UBE2F: variants seen among roughly 807,000 people sequenced by gnomAD.
The protein encoded by UBE2F is ubiquitin conjugating enzyme E2 F (putative), also known as NEDD8-conjugating enzyme UBE2F.
A neutral mutation model predicts 29.6 loss-of-function variants in UBE2F; 5 were observed. The observed-to-expected ratio is 0.17, with a 90% CI of 0.09 to 0.36. The LOEUF is 0.36. Among genes scored for constraint, UBE2F ranks in the 10% least tolerant of loss-of-function variants. The probability of loss-of-function intolerance (pLI) is 1.00; values close to 1 mark genes in which losing one functional copy is unlikely to be tolerated. For missense variants in UBE2F, 141 were observed against 228.5 expected (o/e 0.62, Z 2.47); for synonymous variants, 66 against 81.8 (o/e 0.81, Z 1.04).
At chr2:237,995,145 G>A (rs112892340) in intron 4 of UBE2F, among the ~76,000 whole-genome samples, 2 of 152,164 alleles carry the variant, frequency 1.3e-5, no homozygotes, top group Non-Finnish European at 2.9e-5. Flanking sequence ...TGTGACCTTG[G>A]TTAAGTTGCT....
chr2:238,019,084 C>G (rs1049844378), intron 5 of UBE2F, among the ~76,000 whole-genome samples: 2 of 152,156 alleles, frequency 1.3e-5, no homozygotes, highest in Non-Finnish European at 2.9e-5. Context: ...CCCCCTCTCC[C>G]CTCCCCACTA....
chr2:238,002,102 T>G (rs565264176), intron 4 of UBE2F, among the ~76,000 whole-genome samples: 2 of 150,440 alleles, frequency 1.3e-5, no homozygotes, highest in African/African-American at 4.9e-5. Context: ...TTTGCTCTGT[T>G]GCCCAGGCTG....
chr2:238,014,080 C>G (rs1448316624), intron 4 of UBE2F, among the ~76,000 whole-genome samples: 1 of 152,174 alleles, frequency 6.6e-6, no homozygotes, highest in African/African-American at 2.4e-5. Flanking sequence ...GCCAGGTACT[C>G]CCAGAGCCAG....
Position 237,967,101 on chromosome 2 carries a change from CG to C in UBE2F, c.-45del. On this transcript the variant is annotated 5_prime_UTR_variant, in exon 1 of 10. It removes the in-frame stop codon of an upstream open reading frame in the 5' UTR. Transcript: ENST00000272930. The surrounding 1 kb of genome is among the most constrained non-coding windows in gnomAD (Gnocchi z 6.3). ...CCGGACCGGGCATGGTGTTGGGCGC[CG>C]GGCCCGCCTCGCCTGTCTCGGGGAG... is the stretch of plus-strand genomic sequence containing the variant. 1 of 1,343,310 alleles carries C rather than the reference CG, an allele frequency of 7.4e-7. No individual in the cohort carries two copies. The highest frequency in any genetic ancestry group is 9.6e-7 in the Non-Finnish European group (1 of 1,043,194). The allele number at this position is 1,343,310 out of a possible 1,614,324, so 83.2% of individuals were successfully genotyped here.
intron 3 of UBE2F, among the ~76,000 whole-genome samples, chr2:237,994,107 T>A (rs2063642542): frequency 9.3e-6 from 1 of 107,274 alleles, no homozygotes; most frequent in South Asian, 3.1e-4. Flanking sequence ...CTTCTTCTTC[T>A]TCTTTTTTTT....
intron 5 of UBE2F, among the ~76,000 whole-genome samples, chr2:238,018,811 T>C (rs920862299): frequency 6.6e-6 from 1 of 152,214 alleles, no homozygotes; most frequent in Non-Finnish European, 1.5e-5. Flanking sequence ...TCACTTAATG[T>C]CCAGGGCTGC....
At chr2:238,031,532 A>T (rs1046913131) in intron 7 of UBE2F, among the ~76,000 whole-genome samples, 1 of 152,186 alleles carries the variant, frequency 6.6e-6, no homozygotes, top group East Asian at 1.9e-4. Context: ...GAAAACAGAG[A>T]AAGGCAAATA....
At chr2:237,970,511 G>A (rs2063153243) in intron 1 of UBE2F, among the ~76,000 whole-genome samples, 1 of 152,180 alleles carries the variant, frequency 6.6e-6, no homozygotes, top group Middle Eastern at 3.2e-3. Context: ...ATGTTAAAAT[G>A]GAATGGGAGT....
At chr2:237,968,798 C>A (rs536933923) in intron 1 of UBE2F, 11 of 977,680 alleles carry the variant, frequency 1.1e-5, no homozygotes, top group Non-Finnish European at 1.3e-5. Flanking sequence ...GATCTGTTAC[C>A]GAAATGCTGC....
intron 7 of UBE2F, 56 bp downstream of exon 7, chr2:238,030,669 A>G (rs2064552972): frequency 1.5e-6 from 2 of 1,363,862 alleles, no homozygotes; most frequent in Non-Finnish European, 1.0e-6. Context: ...CTCTCCCTGC[A>G]GTAGCCAGCC....
At chr2:238,034,600 A>G (rs2064662635) in intron 8 of UBE2F, among the ~76,000 whole-genome samples, 1 of 152,212 alleles carries the variant, frequency 6.6e-6, no homozygotes, top group South Asian at 2.1e-4. Flanking sequence ...AAGATAAGAA[A>G]TTCTGTGTGT....
intron 2 of UBE2F, among the ~76,000 whole-genome samples, chr2:237,983,245 G>A (rs1230917763): frequency 6.6e-6 from 1 of 152,228 alleles, no homozygotes; most frequent in Non-Finnish European, 1.5e-5. Context: ...TGGCAAGTGG[G>A]TGAACTCTTT....
At chr2:237,989,122 A>G (rs2063535924) in intron 3 of UBE2F, among the ~76,000 whole-genome samples, 1 of 152,178 alleles carries the variant, frequency 6.6e-6, no homozygotes, top group Admixed American at 6.5e-5. Flanking sequence ...CCTTAAAATT[A>G]GTTCTGGGGC....
chr2:237,971,753 A>G (rs1249116070), intron 1 of UBE2F, among the ~76,000 whole-genome samples: 2 of 151,878 alleles, frequency 1.3e-5, no homozygotes, highest in African/African-American at 2.4e-5. Flanking sequence ...CTTTGTTACA[A>G]TTAGTGGGAT....
intron 1 of UBE2F, among the ~76,000 whole-genome samples, chr2:237,969,374 T>G (rs941049134): frequency 1.3e-5 from 2 of 152,220 alleles, no homozygotes; most frequent in African/African-American, 2.4e-5. Context: ...CAGGCTTCCC[T>G]GAGCCTCCTT....
At chr2:238,035,733 A>T (rs2064694056) in intron 8 of UBE2F, 145 bp from the exon 9 acceptor site, 1 of 609,236 alleles carries the variant, frequency 1.6e-6, no homozygotes, top group Non-Finnish European at 2.9e-6. Context: ...TATCACAAGC[A>T]CTTGAGTTCT....
intron 9 of UBE2F, among the ~76,000 whole-genome samples, chr2:238,038,727 A>G (rs1469199313): frequency 6.6e-6 from 1 of 152,256 alleles, no homozygotes; most frequent in Non-Finnish European, 1.5e-5. Flanking sequence ...GTGCCTCCAC[A>G]TGAAGCCTAA....
At chr2:238,010,963 G>A (rs981675379) in intron 4 of UBE2F, among the ~76,000 whole-genome samples, 5 of 151,912 alleles carry the variant, frequency 3.3e-5, no homozygotes, top group East Asian at 3.8e-4. Context: ...TCCTCCCTCC[G>A]TGCCTAATCT....
intron 2 of UBE2F, among the ~76,000 whole-genome samples, chr2:237,978,650 G>A (rs968532453): frequency 2.6e-5 from 4 of 152,230 alleles, no homozygotes; most frequent in Non-Finnish European, 5.9e-5. Flanking sequence ...GCTGGAGCTG[G>A]AGTGATGCTT....
Sources: allele counts gnomAD v4.1 joint callset (sites outside exome capture counted in the v4.1 genomes callset), GRCh38; gene constraint gnomAD v4.1.1; non-coding constraint Gnocchi (gnomAD v3.1); transcripts MANE v1.5; gene names NCBI Gene and HGNC (gene_info 2026-07-23, HGNC 2026-07-21).